The following TRAPPC11 variants were observed in gnomAD, a reference collection of about 807,000 sequenced individuals.
The protein encoded by TRAPPC11 is foie gras homolog.
A neutral mutation model predicts 151.2 loss-of-function variants in TRAPPC11; 104 were observed. The ratio of observed to expected loss-of-function variants is 0.69; its 90% CI spans 0.59 to 0.81. The LOEUF is 0.81. TRAPPC11 is among the 30% of genes least tolerant of loss of function. TRAPPC11 has a pLI of 0.00. For synonymous variants in TRAPPC11, 456 were observed against 472.3 expected (o/e 0.97, Z 0.45); for missense variants, 1,230 against 1,349.6 (o/e 0.91, Z 1.39).
At position 183,697,519 on chromosome 4, in the gene TRAPPC11, T is replaced by C. The variant is rs763006851; in HGVS notation, c.2645T>C (p.Ile882Thr). ...TTCTTGCAGGATGAAACTGTAACAA[T>C]TGAAACAGTCTTTCCATTTGATGTT... is the stretch of plus-strand genomic sequence containing the variant. ...CKCHKDETVTIETVFPFDVAV... is the reference protein window; with the variant it reads ...CKCHKDETVTTETVFPFDVAV... The change falls in exon 24 of 30, where the codon ATT becomes ACT. Residue 882 changes from isoleucine to threonine, a missense_variant. By Grantham distance (89) the Ile-to-Thr change is moderately conservative. Transcript: ENST00000334690. 1.0e-5 allele frequency: 16 copies of C among 1,601,338 alleles called. No homozygotes were observed. The Admixed American group carries it at 2.0e-4, about 20-fold the overall frequency.
chr4:183,682,478 A>T (rs1735747679), intron 10 of TRAPPC11, among the ~76,000 whole-genome samples: 1 of 152,224 alleles, frequency 6.6e-6, no homozygotes, highest in Non-Finnish European at 1.5e-5. Flanking sequence ...TAGAGCAAAG[A>T]TTAAAAAAGT....
chr4:183,660,416 C>T (rs1251550847), intron 1 of TRAPPC11, among the ~76,000 whole-genome samples: 1 of 152,130 alleles, frequency 6.6e-6, no homozygotes, highest in Non-Finnish European at 1.5e-5. Flanking sequence ...TCATTAATAA[C>T]TTTTATATTA....
rs11272521 is a variant in TRAPPC11 at position 183,694,795 on chromosome 4, TATAAAATAAGC to T, written c.2628+85_2628+95del. 215,503 of 1,468,182 alleles carry T rather than the reference TATAAAATAAGC, an allele frequency of 0.15. 17,514 individuals are homozygous for T. Among genetic ancestry groups the T allele is most frequent in the East Asian group, 0.15 (6,622 of 43,150 alleles). 90.9% of individuals were successfully genotyped at this position (1,468,182 alleles called of 1,614,324 possible). A position where few individuals can be genotyped will look rare whatever the true frequency, so the allele number is the denominator to read the frequency against. On this transcript the variant is annotated intron_variant, in intron 23 of 29. Coordinates refer to ENST00000334690, the MANE Select transcript of TRAPPC11 (RefSeq NM_021942.6). The stretch of plus-strand genomic sequence containing the variant: ...CCATTTTGTGTTATTTTAGTTTACC[TATAAAATAAGC>T]ATAAAATAAGCAGTTTAGGTGCTTA...
At chr4:183,688,474 A>G (rs1336174492) in intron 18 of TRAPPC11, among the ~76,000 whole-genome samples, 4 of 152,206 alleles carry the variant, frequency 2.6e-5, no homozygotes, top group Admixed American at 2.6e-4. Flanking sequence ...AACCTGGAAG[A>G]GTTAAGCGGG....
At chr4:183,708,762 T>G (rs980034531) in intron 29 of TRAPPC11, among the ~76,000 whole-genome samples, 188 bp downstream of exon 29, 1 of 152,230 alleles carries the variant, frequency 6.6e-6, no homozygotes, top group Admixed American at 6.5e-5. Context: ...TTTCAAAGAT[T>G]GTATTTCCTT....
At chr4:183,664,640 A>G (rs374263470) in intron 2 of TRAPPC11, among the ~76,000 whole-genome samples, 26 of 152,292 alleles carry the variant, frequency 1.7e-4, no homozygotes, top group East Asian at 1.3e-3. Flanking sequence ...TACCTTAGAT[A>G]ATAATTATTA....
chr4:183,670,840 CAGTGGCGTGG>C (rs1735118010), intron 5 of TRAPPC11, among the ~76,000 whole-genome samples: 3 of 152,118 alleles, frequency 2.0e-5, no homozygotes, highest in Admixed American at 2.0e-4. Context: ...GGCTGGAGTG[CAGTGGCGTGG>C]TCTTGGCTCA....
intron 1 of TRAPPC11, among the ~76,000 whole-genome samples, chr4:183,661,091 C>T (rs1734488354): frequency 6.6e-6 from 1 of 152,002 alleles, no homozygotes; most frequent in Non-Finnish European, 1.5e-5. Flanking sequence ...ATCCTTTGCC[C>T]TCATAACTTA....
chr4:183,672,571 G>C (rs1400629816), intron 5 of TRAPPC11, among the ~76,000 whole-genome samples: 1 of 152,194 alleles, frequency 6.6e-6, no homozygotes, highest in East Asian at 1.9e-4. Flanking sequence ...ATAAAGAAGT[G>C]TATGAATTAA....
At chr4:183,676,995 C>T (rs919273679) in intron 7 of TRAPPC11, among the ~76,000 whole-genome samples, 5 of 152,144 alleles carry the variant, frequency 3.3e-5, no homozygotes, top group African/African-American at 9.7e-5. Context: ...AAACTCCTGA[C>T]CTCAAGTGAT....
At chr4:183,688,894 C>T (rs1430659204) in intron 18 of TRAPPC11, among the ~76,000 whole-genome samples, 2 of 152,092 alleles carry the variant, frequency 1.3e-5, no homozygotes, top group Admixed American at 1.3e-4. Context: ...ACTACAGGCA[C>T]ATGCCACCAT....
intron 1 of TRAPPC11, among the ~76,000 whole-genome samples, chr4:183,661,632 A>G (rs1734549943): frequency 6.6e-6 from 1 of 151,892 alleles, no homozygotes; most frequent in Non-Finnish European, 1.5e-5. Flanking sequence ...CGGCCTCCCA[A>G]AGTGCTGGGA....
intron 4 of TRAPPC11, 24 bp from the exon 5 acceptor site, chr4:183,667,979 C>A: frequency 7.5e-6 from 10 of 1,336,530 alleles, no homozygotes; most frequent in Non-Finnish European, 1.1e-5. Context: ...ATTTCTCATT[C>A]ATCTTGATGG....
chr4:183,668,760 TGTG>T (rs1408163290), intron 5 of TRAPPC11, among the ~76,000 whole-genome samples: 2 of 152,254 alleles, frequency 1.3e-5, no homozygotes, highest in Non-Finnish European at 2.9e-5. Context: ...TCAAAAATCA[TGTG>T]GTCATTATTC....
Position 183,693,061 on chromosome 4 carries a change from A to G in TRAPPC11, c.2151A>G (p.Leu717=), listed in dbSNP as rs1423990733. 6.2e-7 allele frequency: 1 copy of G among 1,613,762 alleles called. No homozygotes were observed. Among genetic ancestry groups the G allele is most frequent in the South Asian group, 1.1e-5 (1 of 90,988 alleles). The change falls in exon 20 of 30, where the codon TTA becomes TTG. Residue 717 remains leucine (L), a synonymous_variant. Coordinates refer to ENST00000334690, the MANE Select transcript of TRAPPC11 (RefSeq NM_021942.6). ...GGDAASSQEA[L]QAARSFKRRP... is the part of the protein sequence containing the mutation. Reference sequence around the variant, plus strand: ...ATGCTGCTTCCTCCCAAGAAGCCTTACAGGCAGCTCGGTCTTTCAAAAGGC... The same window carrying G: ...ATGCTGCTTCCTCCCAAGAAGCCTTGCAGGCAGCTCGGTCTTTCAAAAGGC...
chr4:183,677,533 G>A lies in TRAPPC11; in HGVS notation c.810G>A (p.Met270Ile). 6.3e-7 allele frequency: 1 copy of A among 1,592,298 alleles called. No homozygotes were observed. The highest frequency in any genetic ancestry group is 8.6e-7 in the Non-Finnish European group (1 of 1,160,694). ...HETNILEIKT[M>I]AGFINYKICR... ...CTAATATTCTGGAAATTAAGACTAT[G>A]GCAGGATTTATAAACTACAAGGTAA... Residue 270 changes from methionine (M) to isoleucine (I), a missense_variant, in exon 8 of 30, where the codon ATG becomes ATA. Coordinates refer to ENST00000334690, the MANE Select transcript of TRAPPC11 (RefSeq NM_021942.6).
At chr4:183,672,620 A>T (rs1010339926) in intron 5 of TRAPPC11, among the ~76,000 whole-genome samples, 1 of 152,228 alleles carries the variant, frequency 6.6e-6, no homozygotes, top group Non-Finnish European at 1.5e-5. Flanking sequence ...CTATCCCGTG[A>T]TGTCTCTGTA....
At chr4:183,710,312 C>A (rs567210281) in intron 29 of TRAPPC11, among the ~76,000 whole-genome samples, 1 of 150,648 alleles carries the variant, frequency 6.6e-6, no homozygotes, top group Admixed American at 6.6e-5. Flanking sequence ...TTTGAGACAG[C>A]GTCTTGCTCT....
chr4:183,660,789 C>T (rs1302005250), intron 1 of TRAPPC11, among the ~76,000 whole-genome samples: 1 of 152,218 alleles, frequency 6.6e-6, no homozygotes, highest in South Asian at 2.1e-4. Flanking sequence ...TCTCGGCTCA[C>T]TGAAATCTCC....
Sources: gnomAD v4.1 joint callset for allele counts (sites outside exome capture counted in the v4.1 genomes callset) on GRCh38, gnomAD v4.1.1 for gene constraint, MANE v1.5 for transcripts, NCBI Gene and HGNC (gene_info 2026-07-23, HGNC 2026-07-21) for gene names.